Variants in PCDH9 observed in about 807,000 individuals in gnomAD.
The protein encoded by PCDH9 is protocadherin 9.
PCDH9 carries 24 observed loss-of-function variants against 70.6 expected under a neutral mutation model. That is an observed-to-expected ratio of 0.34 (90% confidence interval 0.25 to 0.48). PCDH9 has a LOEUF of 0.48. PCDH9 is among the 20% of genes least tolerant of loss of function. The pLI, the probability that PCDH9 is intolerant of heterozygous loss-of-function variation, is 0.99. For missense variants in PCDH9, 1,281 were observed against 1,503.6 expected, an observed-to-expected ratio of 0.85 and a Z score of 2.45; for synonymous variants, 562 against 558.5, an observed-to-expected ratio of 1.01 and a Z score of -0.09.
At position 67,214,928 on chromosome 13, in the gene PCDH9, C is replaced by T. The variant is rs1312876155; in HGVS notation, c.3036+10477G>A. ...ACATTTTCTGAGTGTCTGGCTATTG[C>T]GAGCCAGATATATATATATATATAT... On this transcript the variant is annotated intron_variant, in intron 2 of 4. Coordinates refer to ENST00000377865, the MANE Select transcript of PCDH9 (RefSeq NM_203487.3). 3.4e-4 allele frequency: 16 copies of T among 47,406 alleles called. 1 individual carries two copies. The highest frequency in any genetic ancestry group is 8.4e-4 in the African/African-American group (12 of 14,208). The allele number at this position is 47,406 out of a possible 1,614,324, so 2.9% of individuals were successfully genotyped here.
At chr13:67,037,680 GTGTGGCTTTCA>G (rs2085037395) in intron 2 of PCDH9, among the ~76,000 whole-genome samples, 1 of 152,214 alleles carries the variant, frequency 6.6e-6, no homozygotes, top group South Asian at 2.1e-4. Flanking sequence ...GAGAACTGTA[GTGTGGCTTTCA>G]TGTGGCAGAT....
chr13:66,922,098 T>C (rs1396712146), intron 2 of PCDH9, among the ~76,000 whole-genome samples: 1 of 151,414 alleles, frequency 6.6e-6, no homozygotes, highest in Admixed American at 6.6e-5. Context: ...AACCAGATTA[T>C]GTCTTCAATT....
intron 3 of PCDH9, among the ~76,000 whole-genome samples, chr13:66,652,944 G>A (rs944129516): frequency 6.6e-6 from 1 of 152,098 alleles, no homozygotes; most frequent in Non-Finnish European, 1.5e-5. Context: ...ATATCCACAT[G>A]CAGAAGAATG....
intron 2 of PCDH9, among the ~76,000 whole-genome samples, chr13:67,045,753 G>A (rs542528756): frequency 6.6e-6 from 1 of 152,106 alleles, no homozygotes; most frequent in Non-Finnish European, 1.5e-5. Context: ...AATTGAATAT[G>A]ATGTGAGGCT....
At chr13:66,615,916 T>C (rs927840065) in intron 4 of PCDH9, among the ~76,000 whole-genome samples, 1 of 152,228 alleles carries the variant, frequency 6.6e-6, no homozygotes, top group East Asian at 1.9e-4. Flanking sequence ...AATATACTTG[T>C]TGGCATCAGT....
chr13:66,546,815 A>C (rs181846445), intron 4 of PCDH9, among the ~76,000 whole-genome samples: 2 of 152,218 alleles, frequency 1.3e-5, no homozygotes, highest in African/African-American at 4.8e-5. Context: ...CTGTATTTTT[A>C]CTGTGTCTTT....
chr13:66,535,953 A>G (rs956324187), intron 4 of PCDH9, among the ~76,000 whole-genome samples: 1 of 152,050 alleles, frequency 6.6e-6, no homozygotes, highest in African/African-American at 2.4e-5. Flanking sequence ...TAAACCAGAA[A>G]TATCCACTAT....
intron 4 of PCDH9, among the ~76,000 whole-genome samples, chr13:66,313,331 C>T (rs1955596120): frequency 6.6e-6 from 1 of 152,172 alleles, no homozygotes; most frequent in Non-Finnish European, 1.5e-5. Flanking sequence ...TTCAAAAATT[C>T]ATTCATATAC....
At chr13:66,658,039 A>AT (rs1206933250) in intron 3 of PCDH9, among the ~76,000 whole-genome samples, 7 of 152,216 alleles carry the variant, frequency 4.6e-5, no homozygotes, top group Non-Finnish European at 7.4e-5. Flanking sequence ...TCTAGAGATG[A>AT]TTTTTAAAAT....
intron 4 of PCDH9, among the ~76,000 whole-genome samples, chr13:66,406,204 G>C (rs1275810883): frequency 6.6e-6 from 1 of 152,136 alleles, no homozygotes; most frequent in Non-Finnish European, 1.5e-5. Context: ...GAAACACATG[G>C]GCTTTGGCAT....
At chr13:66,570,475 T>C (rs1022007879) in intron 4 of PCDH9, among the ~76,000 whole-genome samples, 11 of 152,174 alleles carry the variant, frequency 7.2e-5, no homozygotes, top group African/African-American at 1.2e-4. Context: ...GATTTATCAA[T>C]GTCAATATCC....
At chr13:66,968,394 C>G (rs1007433285) in intron 2 of PCDH9, among the ~76,000 whole-genome samples, 10 of 152,028 alleles carry the variant, frequency 6.6e-5, no homozygotes, top group Non-Finnish European at 1.5e-4. Flanking sequence ...ATTCCATTAG[C>G]TTTTCTTGGC....
chr13:66,726,892 T>C (rs1473890161), intron 3 of PCDH9, among the ~76,000 whole-genome samples: 1 of 152,180 alleles, frequency 6.6e-6, no homozygotes, highest in Non-Finnish European at 1.5e-5. Flanking sequence ...ACAAGAAGCT[T>C]CCATCCTACT....
chr13:67,029,097 T>G (rs775290446), intron 2 of PCDH9, among the ~76,000 whole-genome samples: 8 of 152,210 alleles, frequency 5.3e-5, no homozygotes, highest in Non-Finnish European at 1.0e-4. Flanking sequence ...AAATATGATC[T>G]GTTTTCAAGG....
At chr13:66,638,377 G>GA (rs896097085) in intron 3 of PCDH9, among the ~76,000 whole-genome samples, 1 of 151,414 alleles carries the variant, frequency 6.6e-6, no homozygotes, top group Non-Finnish European at 1.5e-5. Context: ...ATCTAGGTAA[G>GA]AAAAAAAAGG....
intron 4 of PCDH9, among the ~76,000 whole-genome samples, chr13:66,312,570 C>T (rs1267188330): frequency 1.3e-5 from 2 of 150,868 alleles, no homozygotes; most frequent in African/African-American, 2.4e-5. Flanking sequence ...GTGATCGCAC[C>T]ACTGCACTCT....
At chr13:66,618,588 T>C (rs1324096778) in intron 4 of PCDH9, among the ~76,000 whole-genome samples, 1 of 152,210 alleles carries the variant, frequency 6.6e-6, no homozygotes, top group East Asian at 1.9e-4. Context: ...TTTTATTTTC[T>C]GTAATATAAC....
intron 4 of PCDH9, among the ~76,000 whole-genome samples, chr13:66,613,575 C>T (rs759270862): frequency 6.6e-5 from 10 of 151,434 alleles, no homozygotes; most frequent in Non-Finnish European, 1.3e-4. Context: ...TTGCTTTACA[C>T]TCTGGGGCCA....
At chr13:66,792,320 A>G (rs909863825) in intron 3 of PCDH9, among the ~76,000 whole-genome samples, 1 of 152,190 alleles carries the variant, frequency 6.6e-6, no homozygotes, top group South Asian at 2.1e-4. Flanking sequence ...ATATGTATAC[A>G]TTGTACTCCT....
Sources: gnomAD v4.1 joint callset for allele counts (sites outside exome capture counted in the v4.1 genomes callset) on GRCh38, gnomAD v4.1.1 for gene constraint, MANE v1.5 for transcripts, NCBI Gene and HGNC (gene_info 2026-07-23, HGNC 2026-07-21) for gene names.